UBA6: variants seen among roughly 807,000 people sequenced by gnomAD.
The protein encoded by UBA6 is ubiquitin-like modifier-activating enzyme 6.
A neutral mutation model predicts 148.3 loss-of-function variants in UBA6; 87 were observed. The ratio of observed to expected loss-of-function variants is 0.59; its 90% CI spans 0.49 to 0.70. The LOEUF (loss-of-function observed/expected upper bound fraction) is 0.70, where lower values mean the gene tolerates loss of function less well. UBA6 is among the 30% of genes least tolerant of loss of function. The probability of loss-of-function intolerance (pLI) is 0.00; values close to 1 mark genes in which losing one functional copy is unlikely to be tolerated. For missense variants in UBA6, 1,186 were observed against 1,241.2 expected (o/e 0.96, Z 0.67); for synonymous variants, 376 against 401.0 (o/e 0.94, Z 0.75).
In UBA6 at chr4:67,687,660, G is replaced by C. The variant is rs182323665; in HGVS notation, c.135-5447C>G. On this transcript the variant is annotated intron_variant, in intron 2 of 32. Coordinates refer to ENST00000322244, the MANE Select transcript of UBA6 (RefSeq NM_018227.6). ...GATACCTAAAATCATGGGAATAAAT[G>C]ATGTGAACTAGAATATGAACTAAGA... Among the ~76,000 whole-genome samples the C allele has an allele frequency of 1.8e-3, 278 of 152,322 alleles. 1 individual carries two copies. Among genetic ancestry groups the C allele is most frequent in the Admixed American group, 2.1e-3 (32 of 15,300 alleles).
intron 25 of UBA6, among the ~76,000 whole-genome samples, 193 bp downstream of exon 25, chr4:67,631,515 G>A (rs1349227124): frequency 6.6e-6 from 1 of 152,132 alleles, no homozygotes; most frequent in Non-Finnish European, 1.5e-5. Context: ...GTAAATGAAT[G>A]GATTCACATT....
chr4:67,642,894 TC>T (rs747525983), intron 17 of UBA6, among the ~76,000 whole-genome samples: 1 of 151,964 alleles, frequency 6.6e-6, no homozygotes, highest in Non-Finnish European at 1.5e-5. Flanking sequence ...CGCACTTCTT[TC>T]ATTAAAAAAG....
rs779399572 is a variant in UBA6, at chr4:67,617,642, AAGT to A, written c.*1352_*1354del. 3.3e-5 allele frequency: 5 copies of A among 152,234 alleles called. No individual in the cohort carries two copies. Among genetic ancestry groups the A allele is most frequent in the East Asian group, 1.9e-4 (1 of 5,186 alleles). 9.4% of individuals were successfully genotyped at this position (152,234 alleles called of 1,614,324 possible). A position where few individuals can be genotyped will look rare whatever the true frequency, so the allele number is the denominator to read the frequency against. ...ACTATTTGTAAATGAAATAAAAAGA[AAGT>A]AGGTATAATACATAGTGTAAAAGAT... On this transcript the variant is annotated 3_prime_UTR_variant, in exon 33 of 33. Coordinates refer to ENST00000322244, the MANE Select transcript of UBA6 (RefSeq NM_018227.6).
intron 27 of UBA6, among the ~76,000 whole-genome samples, chr4:67,626,989 T>G (rs868509837): frequency 6.6e-6 from 1 of 151,986 alleles, no homozygotes; most frequent in East Asian, 1.9e-4. Flanking sequence ...ATATATAATA[T>G]GGCCATCCTT....
chr4:67,622,929 A>T lies in UBA6; in HGVS notation c.2929-4T>A. The T allele has an allele frequency of 6.3e-7, 1 of 1,596,410 alleles. No individual in the cohort carries two copies. The highest frequency in any genetic ancestry group is 8.5e-7 in the Non-Finnish European group (1 of 1,170,790). ...TTGGCTCAATTCCATACTTCTCCTAAAAGTGAATATCCAAAAAAGAAACAA... is the reference window on the plus strand; with the variant it reads ...TTGGCTCAATTCCATACTTCTCCTATAAGTGAATATCCAAAAAAGAAACAA... On this transcript the variant is annotated splice_polypyrimidine_tract_variant and splice_region_variant and intron_variant, in intron 31 of 32. Coordinates refer to ENST00000322244, the MANE Select transcript of UBA6 (RefSeq NM_018227.6).
At chr4:67,660,093 T>A (rs1436468472) in intron 13 of UBA6, among the ~76,000 whole-genome samples, 3 of 152,154 alleles carry the variant, frequency 2.0e-5, no homozygotes, top group East Asian at 1.9e-4. Flanking sequence ...GTTTTATGCA[T>A]TCACAAAAAG....
intron 11 of UBA6, 191 bp downstream of exon 11, chr4:67,663,692 CTA>C (rs778169407): frequency 2.0e-6 from 1 of 505,738 alleles, no homozygotes; most frequent in Non-Finnish European, 3.5e-6. Context: ...TCATTTTTTT[CTA>C]TGAGACAAAT....
intron 2 of UBA6, among the ~76,000 whole-genome samples, chr4:67,692,859 T>A (rs1730727403): frequency 6.6e-6 from 1 of 152,210 alleles, no homozygotes; most frequent in African/African-American, 2.4e-5. Flanking sequence ...TGGAAGATTA[T>A]ACCATTGAAG....
chr4:67,680,263 T>C (rs1730400986), intron 4 of UBA6, among the ~76,000 whole-genome samples: 1 of 152,064 alleles, frequency 6.6e-6, no homozygotes, highest in African/African-American at 2.4e-5. Flanking sequence ...ATAATGAATC[T>C]AGGCAATAAT....
At chr4:67,621,631 C>T (rs972321860) in intron 32 of UBA6, among the ~76,000 whole-genome samples, 2 of 151,970 alleles carry the variant, frequency 1.3e-5, no homozygotes, top group African/African-American at 2.4e-5. Context: ...TGGTGAAATC[C>T]GTCTCTACTA....
At chr4:67,681,447 T>A (rs878926319) in intron 4 of UBA6, 116 bp downstream of exon 4, 50 of 628,030 alleles carry the variant, frequency 8.0e-5, no homozygotes, top group East Asian at 1.1e-4. Flanking sequence ...TGATTTTTTT[T>A]AAAAAGTAGA....
At chr4:67,667,236 C>T (rs1296998375) in intron 9 of UBA6, among the ~76,000 whole-genome samples, 1 of 151,888 alleles carries the variant, frequency 6.6e-6, no homozygotes, top group Non-Finnish European at 1.5e-5. Context: ...ATGATATGAA[C>T]CTGTATTCAA....
chr4:67,633,462 A>T lies in UBA6; in HGVS notation c.2025T>A (p.Ser675Arg). Reference protein sequence around the residue: ...SAEEVLQKIQSGHSLEGCFQV... With the variant: ...SAEEVLQKIQRGHSLEGCFQV... Reference sequence around the variant, plus strand: ...GAAAACAGCCTTCTAAACTGTGTCCACTCTGTATCTTCTAGAATGGGAGAG... The same window carrying T: ...GAAAACAGCCTTCTAAACTGTGTCCTCTCTGTATCTTCTAGAATGGGAGAG... The change falls in exon 23 of 33, where the codon AGT becomes AGA. Residue 675 changes from serine (S) to arginine (R), a missense_variant. By Grantham distance (110) the Ser-to-Arg change is moderately radical (BLOSUM62 -1). Transcript: ENST00000322244. 1 of 1,595,566 alleles carries T rather than the reference A, an allele frequency of 6.3e-7. No homozygotes were observed. The highest frequency in any genetic ancestry group is 2.2e-5 in the East Asian group (1 of 44,524).
At chr4:67,648,025 G>A (rs1385355554) in intron 14 of UBA6, among the ~76,000 whole-genome samples, 1 of 150,864 alleles carries the variant, frequency 6.6e-6, no homozygotes, top group Non-Finnish European at 1.5e-5. Context: ...TGCCCGCCTC[G>A]GCTGCTCAAA....
chr4:67,674,191 A>G (rs563046198), intron 6 of UBA6, among the ~76,000 whole-genome samples: 3 of 152,340 alleles, frequency 2.0e-5, no homozygotes, highest in East Asian at 1.9e-4. Flanking sequence ...GTTGGCTACT[A>G]GAACATGTCC....
At chr4:67,662,464 G>GTTT (rs920297517) in intron 12 of UBA6, 60 of 391,422 alleles carry the variant, frequency 1.5e-4, no homozygotes, top group Non-Finnish European at 2.3e-4. Flanking sequence ...AATAAGTTTA[G>GTTT]TTTTTTTTGT....
Position 67,615,924 on chromosome 4 carries a change from T to C in UBA6, c.*3073A>G. Reference sequence around the variant, plus strand: ...GAGCTGGTTGTGACTGGGAAGGAACTACATGTGTAATTTCTGAACTGCTGT... The same window carrying C: ...GAGCTGGTTGTGACTGGGAAGGAACCACATGTGTAATTTCTGAACTGCTGT... On this transcript the variant is annotated 3_prime_UTR_variant, in exon 33 of 33. Coordinates refer to ENST00000322244, the MANE Select transcript of UBA6 (RefSeq NM_018227.6). 5.9e-6 allele frequency: 2 copies of C among 337,562 alleles called. No homozygotes were observed. The highest frequency in any genetic ancestry group is 1.1e-5 in the Non-Finnish European group (2 of 187,200). The allele number at this position is 337,562 out of a possible 1,614,324, so 20.9% of individuals were successfully genotyped here. A position where few individuals can be genotyped will look rare whatever the true frequency, so the allele number is the denominator to read the frequency against.
chr4:67,683,704 C>T (rs1730494491), intron 2 of UBA6, among the ~76,000 whole-genome samples: 1 of 151,978 alleles, frequency 6.6e-6, no homozygotes, highest in Non-Finnish European at 1.5e-5. Flanking sequence ...TAATGTATAT[C>T]CCCAGAGAGG....
At chr4:67,620,535 A>AATGGAGC (rs1728728479) in intron 32 of UBA6, among the ~76,000 whole-genome samples, 1 of 152,148 alleles carries the variant, frequency 6.6e-6, no homozygotes. Context: ...AAGGTCCTAC[A>AATGGAGC]ATGGAGCATC....
Sources: allele counts gnomAD v4.1 joint callset (sites outside exome capture counted in the v4.1 genomes callset), GRCh38; gene constraint gnomAD v4.1.1; transcripts MANE v1.5; gene names NCBI Gene and HGNC (gene_info 2026-07-23, HGNC 2026-07-21).